SCHIP1: variants seen among roughly 807,000 people sequenced by gnomAD.
The protein encoded by SCHIP1 is schwannomin interacting protein 1.
SCHIP1 carries 8 observed loss-of-function variants against 29.7 expected under a neutral mutation model. That is an observed-to-expected ratio of 0.27 (90% CI 0.16 to 0.49). The LOEUF (loss-of-function observed/expected upper bound fraction) is 0.49. Ranked by LOEUF, SCHIP1 falls within the 20% of genes least tolerant of loss-of-function variation. SCHIP1 has a pLI of 0.99. For synonymous variants in SCHIP1, 76 were observed against 94.9 expected (o/e 0.80, Z 1.16); for missense variants, 193 against 294.6 (o/e 0.66, Z 2.52).
the SCHIP1 span, among the ~76,000 whole-genome samples, chr3:159,402,162 C>CA: frequency 1.3e-5 from 2 of 152,054 alleles, no homozygotes; most frequent in Non-Finnish European, 2.9e-5. Flanking sequence ...TTTATGCAGC[C>CA]AAAAAACACA....
chr3:159,717,384 A>AG, the SCHIP1 span, among the ~76,000 whole-genome samples: 1 of 152,244 alleles, frequency 6.6e-6, no homozygotes, highest in East Asian at 1.9e-4. Flanking sequence ...CTAAGATCAA[A>AG]GCAGAACTGA....
the SCHIP1 span, among the ~76,000 whole-genome samples, chr3:159,361,582 G>A: frequency 6.6e-6 from 1 of 152,180 alleles, no homozygotes; most frequent in East Asian, 1.9e-4. Flanking sequence ...CAAAATGCTT[G>A]ATATGACTTA....
At chr3:159,573,291 C>T in the SCHIP1 span, among the ~76,000 whole-genome samples, 4 of 152,256 alleles carry the variant, frequency 2.6e-5, no homozygotes, top group African/African-American at 9.6e-5. Flanking sequence ...TCAAGGAGCT[C>T]TTGTAAGGCA....
chr3:159,330,185 CAT>C, the SCHIP1 span, among the ~76,000 whole-genome samples: 7 of 152,272 alleles, frequency 4.6e-5, no homozygotes, highest in South Asian at 1.2e-3. Context: ...CAGTTACAGT[CAT>C]ATACATTTTC....
the SCHIP1 span, among the ~76,000 whole-genome samples, chr3:159,580,714 A>C: frequency 6.6e-6 from 1 of 152,224 alleles, no homozygotes; most frequent in African/African-American, 2.4e-5. Context: ...TGAGACCAGC[A>C]GAATTTGGCC....
the SCHIP1 span, among the ~76,000 whole-genome samples, chr3:159,785,852 T>C: frequency 6.6e-5 from 10 of 152,382 alleles, no homozygotes; most frequent in African/African-American, 2.4e-4. Context: ...GGGCAGCTTA[T>C]ACTTTCATAG....
the SCHIP1 span, among the ~76,000 whole-genome samples, chr3:159,803,609 G>A: frequency 1.3e-5 from 2 of 152,146 alleles, no homozygotes; most frequent in Non-Finnish European, 2.9e-5. Flanking sequence ...AGAAGCTTGT[G>A]ACTTCCATTA....
At chr3:159,426,083 G>A in the SCHIP1 span, among the ~76,000 whole-genome samples, 2 of 151,786 alleles carry the variant, frequency 1.3e-5, no homozygotes, top group Non-Finnish European at 2.9e-5. Context: ...GCCCACAAGA[G>A]AAAGCAGGAA....
At chr3:159,506,440 T>C in the SCHIP1 span, among the ~76,000 whole-genome samples, 2 of 152,242 alleles carry the variant, frequency 1.3e-5, no homozygotes, top group East Asian at 1.9e-4. Context: ...GATGGTAGTT[T>C]CTTTTGCTGT....
the SCHIP1 span, among the ~76,000 whole-genome samples, chr3:159,578,422 C>G: frequency 6.6e-6 from 1 of 152,108 alleles, no homozygotes; most frequent in Non-Finnish European, 1.5e-5. Context: ...ATATATGTCA[C>G]TTTATACTTT....
the SCHIP1 span, among the ~76,000 whole-genome samples, chr3:159,476,706 TA>T: frequency 6.6e-6 from 1 of 152,306 alleles, no homozygotes; most frequent in Non-Finnish European, 1.5e-5. Flanking sequence ...CATAATTTTC[TA>T]TATTTATGGG....
the SCHIP1 span, among the ~76,000 whole-genome samples, chr3:159,284,054 A>G: frequency 6.6e-6 from 1 of 152,206 alleles, no homozygotes; most frequent in Non-Finnish European, 1.5e-5. Context: ...AGGGCTGTGC[A>G]AGCTTCGTAA....
chr3:159,346,281 TA>T, the SCHIP1 span, among the ~76,000 whole-genome samples: 2,147 of 125,380 alleles, frequency 0.017, 22 homozygotes, highest in South Asian at 0.026. Flanking sequence ...TTTTTTTTCT[TA>T]AAAAAAAAAA....
the SCHIP1 span, among the ~76,000 whole-genome samples, chr3:159,645,086 CTATTT>C: frequency 6.6e-6 from 1 of 152,132 alleles, no homozygotes; most frequent in African/African-American, 2.4e-5. Context: ...ATTTTATTTC[CTATTT>C]TATCTAATAA....
At chr3:159,694,178 A>C in the SCHIP1 span, among the ~76,000 whole-genome samples, 1 of 152,174 alleles carries the variant, frequency 6.6e-6, no homozygotes, top group African/African-American at 2.4e-5. Context: ...GAGGTATACT[A>C]AAATATTTTT....
chr3:159,506,402 C>T, the SCHIP1 span, among the ~76,000 whole-genome samples: 1 of 152,168 alleles, frequency 6.6e-6, no homozygotes, highest in South Asian at 2.1e-4. Context: ...AAAGTTTTCT[C>T]CCATTCTGTA....
At chr3:159,688,838 C>A in the SCHIP1 span, among the ~76,000 whole-genome samples, 1 of 152,184 alleles carries the variant, frequency 6.6e-6, no homozygotes, top group Non-Finnish European at 1.5e-5. Context: ...TTCCCAACAT[C>A]ATTTATTAAA....
chr3:159,538,053 T>G, the SCHIP1 span, among the ~76,000 whole-genome samples: 1 of 151,994 alleles, frequency 6.6e-6, no homozygotes, highest in Admixed American at 6.6e-5. Flanking sequence ...GTTGCCAGAG[T>G]GAGGAAAGAA....
chr3:159,393,955 G>A, the SCHIP1 span, among the ~76,000 whole-genome samples: 3 of 152,114 alleles, frequency 2.0e-5, no homozygotes, highest in Non-Finnish European at 4.4e-5. Context: ...AGCATGGGAT[G>A]TTCTTCCATT....
Sources: gnomAD v4.1 joint callset for allele counts (sites outside exome capture counted in the v4.1 genomes callset) on GRCh38, gnomAD v4.1.1 for gene constraint, MANE v1.5 for transcripts, NCBI Gene and HGNC (gene_info 2026-07-23, HGNC 2026-07-21) for gene names.